Variants in CTDP1 observed in about 807,000 individuals in gnomAD.
CTDP1 encodes the protein CTD phosphatase 1.
CTDP1 carries 47 observed loss-of-function variants against 91.8 expected under a neutral mutation model. The observed-to-expected ratio is 0.51, with a 90% CI of 0.41 to 0.65. The LOEUF is 0.65. Among genes scored for constraint, CTDP1 ranks in the 30% least tolerant of loss-of-function variants. The pLI, the probability that CTDP1 is intolerant of heterozygous loss-of-function variation, is 0.00. For synonymous variants in CTDP1, 656 were observed against 598.5 expected (o/e 1.10, Z -1.40); for missense variants, 1,272 against 1,373.7 (o/e 0.93, Z 1.17).
chr18:79,695,510 A>C (rs1401877601), intron 2 of CTDP1, among the ~76,000 whole-genome samples: 1 of 152,128 alleles, frequency 6.6e-6, no homozygotes, highest in Non-Finnish European at 1.5e-5. Context: ...CCCCAGCCTC[A>C]TGCCATTCTC....
At chr18:79,722,410 T>C (rs1474075922) in intron 10 of CTDP1, among the ~76,000 whole-genome samples, 1 of 152,254 alleles carries the variant, frequency 6.6e-6, no homozygotes, top group Non-Finnish European at 1.5e-5. Flanking sequence ...TAAGTCGACT[T>C]TTGATGAAAT....
chr18:79,714,854 A>G lies in CTDP1; in HGVS notation c.1394A>G (p.Glu465Gly), dbSNP rs2086167257. ...SSDSESSSESEGTKSSSSASD... is the reference protein window; with the variant it reads ...SSDSESSSESGGTKSSSSASD... ...GACAGCGAGAGCAGCAGTGAGTCCGAGGGCACGAAGTCCTCCTCCTCCGCC... is the reference window on the plus strand; with the variant it reads ...GACAGCGAGAGCAGCAGTGAGTCCGGGGGCACGAAGTCCTCCTCCTCCGCC... The change falls in exon 8 of 13, where the codon GAG (glutamate) becomes GGG (glycine). Residue 465 changes from glutamate (E) to glycine (G), a missense_variant. By Grantham distance (98) the Glu-to-Gly change is moderately conservative (BLOSUM62 -2). Transcript: ENST00000613122. The G allele has an allele frequency of 6.3e-7, 1 of 1,589,818 alleles. No individual in the cohort carries two copies.
chr18:79,705,936 A>G (rs565230269), intron 5 of CTDP1, among the ~76,000 whole-genome samples: 1 of 152,368 alleles, frequency 6.6e-6, no homozygotes, highest in Admixed American at 6.5e-5. Context: ...TGATGTGAAG[A>G]CGAGTAATTA....
rs144416848 is a variant in CTDP1, at chr18:79,735,886, G to A, written c.2581-469G>A. ...CCAGAGCGAGCGGGTGGACATCTTA[G>A]CGAGCGTCCCTGTGGCACGGCCACG... On this transcript the variant is annotated intron_variant, in intron 11 of 12. Transcript: ENST00000613122. 884 of 190,336 alleles carry A rather than the reference G, an allele frequency of 4.6e-3. 7 individuals carry two copies. Among genetic ancestry groups the A allele is most frequent in the African/African-American group, 0.02 (839 of 42,796 alleles). 11.8% of individuals were successfully genotyped at this position (190,336 alleles called of 1,614,324 possible).
intron 5 of CTDP1, among the ~76,000 whole-genome samples, chr18:79,709,353 AG>A (rs554587645): frequency 8.5e-4 from 130 of 152,360 alleles, no homozygotes; most frequent in African/African-American, 2.9e-3. Flanking sequence ...AAGATAACAC[AG>A]TAGGCTTAAA....
chr18:79,728,792 C>T (rs2086504117), intron 10 of CTDP1, 115 bp from the exon 11 acceptor site: 4 of 1,217,384 alleles, frequency 3.3e-6, no homozygotes, highest in Admixed American at 1.7e-5. Flanking sequence ...CATACGTGTT[C>T]CCTGTTGGGG....
At chr18:79,738,136 G>A (rs919506629) in intron 12 of CTDP1, among the ~76,000 whole-genome samples, 3 of 152,092 alleles carry the variant, frequency 2.0e-5, no homozygotes, top group East Asian at 1.9e-4. Flanking sequence ...CTGAGAAAGC[G>A]TCTGTCCTGT....
At position 79,719,339 on chromosome 18, in the gene CTDP1, G is replaced by A. The variant is rs537416983; in HGVS notation, c.2417+1323G>A. On this transcript the variant is annotated intron_variant, in intron 10 of 12. Transcript: ENST00000613122. ...ATGTGGGCAGGTGCAGGGTGGCTGC[G>A]GGCAGCTGGGCCGGTGCGGGTGGCT... is the stretch of plus-strand genomic sequence containing the variant. 2.8e-3 allele frequency among the ~76,000 whole-genome samples: 421 copies of A among 152,226 alleles called. 1 individual carries two copies. Among genetic ancestry groups the A allele is most frequent in the Non-Finnish European group, 5.1e-3 (348 of 68,010 alleles).
At chr18:79,711,289 C>A (rs2086078590) in intron 6 of CTDP1, among the ~76,000 whole-genome samples, 1 of 152,202 alleles carries the variant, frequency 6.6e-6, no homozygotes, top group Non-Finnish European at 1.5e-5. Context: ...TCCAAATTTT[C>A]ATTCCTATGC....
rs1286863341 is a variant in CTDP1, at chr18:79,713,959, C to A, written c.1031-532C>A. On this transcript the variant is annotated intron_variant, in intron 7 of 12. Coordinates refer to ENST00000613122, the MANE Select transcript of CTDP1 (RefSeq NM_004715.5). The surrounding 1 kb of genome is among the most constrained non-coding windows in gnomAD (Gnocchi z 4.7). ...CCAGGTCTGCAGGGGCTTACGGCCA[C>A]GGTGGCGCCAGGTCTGCAGGGGCTT... Among the ~76,000 whole-genome samples, 5 of 141,400 alleles carry A rather than the reference C, an allele frequency of 3.5e-5. No homozygotes were observed. The highest frequency in any genetic ancestry group is 7.8e-5 in the African/African-American group (3 of 38,456). 92.8% of individuals were successfully genotyped at this position (141,400 alleles called of 152,430 possible).
At position 79,680,057 on chromosome 18, in the gene CTDP1, T is replaced by C; in HGVS notation, c.110T>C (p.Val37Ala). 4.8e-6 allele frequency: 6 copies of C among 1,252,378 alleles called. No individual in the cohort carries two copies. The highest frequency in any genetic ancestry group is 6.0e-6 in the Non-Finnish European group (6 of 1,002,988). 77.6% of individuals were successfully genotyped at this position (1,252,378 alleles called of 1,614,324 possible). ...CCGCTGCGCCTGCTGGAGTGGAGGG[T>C]GGCGGCGGGCGCGGCCGTGCGCATC... is the stretch of plus-strand genomic sequence containing the variant. ...PAPLRLLEWR[V>A]AAGAAVRIGS... The change falls in exon 1 of 13, where the codon GTG (valine) becomes GCG (alanine). Residue 37 changes from valine (V) to alanine (A), a missense_variant. This residue lies in a region of CTDP1 where 214 missense variants were observed against 179.1 expected (regional missense o/e 1.19). Coordinates refer to ENST00000613122, the MANE Select transcript of CTDP1 (RefSeq NM_004715.5).
In CTDP1 at chr18:79,685,018, A is replaced by ATG. The variant is rs1568171126; in HGVS notation, c.314+4757_314+4758insTG. 1.6e-3 allele frequency among the ~76,000 whole-genome samples: 227 copies of ATG among 146,074 alleles called. 11 individuals are homozygous for ATG. The highest frequency in any genetic ancestry group is 5.3e-3 in the African/African-American group (200 of 37,424). On this transcript the variant is annotated intron_variant, in intron 1 of 12. Transcript: ENST00000613122. Reference sequence around the variant, plus strand: ...TCCTGGTGAGGAGGACGGTGCAGGGACCTCGTGGTCTCTACTCCCAGTTTC... The same window carrying ATG: ...TCCTGGTGAGGAGGACGGTGCAGGGATGCCTCGTGGTCTCTACTCCCAGTTTC...
At chr18:79,711,959 T>G (rs2086093192) in intron 6 of CTDP1, among the ~76,000 whole-genome samples, 1 of 16,574 alleles carries the variant, frequency 6.0e-5, no homozygotes, top group South Asian at 2.1e-3. Flanking sequence ...GGCCACAGCC[T>G]CAGCTTCAGC....
intron 10 of CTDP1, among the ~76,000 whole-genome samples, chr18:79,728,587 C>G (rs983347844): frequency 6.6e-6 from 1 of 152,202 alleles, no homozygotes; most frequent in Non-Finnish European, 1.5e-5. Flanking sequence ...TCTCCCGTCT[C>G]TCTTTGCCCT....
At chr18:79,736,088 G>C in intron 11 of CTDP1, 1 of 547,910 alleles carries the variant, frequency 1.8e-6, no homozygotes, top group Non-Finnish European at 3.3e-6. Flanking sequence ...TAAAGTCCCT[G>C]TTCACATAAG....
intron 5 of CTDP1, among the ~76,000 whole-genome samples, chr18:79,707,870 C>T (rs1225433126): frequency 1.3e-5 from 2 of 152,106 alleles, no homozygotes; most frequent in Non-Finnish European, 2.9e-5. Flanking sequence ...TGAAAGTGAC[C>T]GTGTTGATAG....
chr18:79,680,042 T>G lies in CTDP1; in HGVS notation c.95T>G (p.Leu32Arg). 7.9e-7 allele frequency: 1 copy of G among 1,258,578 alleles called. No individual in the cohort carries two copies. The highest frequency in any genetic ancestry group is 9.9e-7 in the Non-Finnish European group (1 of 1,006,084). 78.0% of individuals were successfully genotyped at this position (1,258,578 alleles called of 1,614,324 possible). A position where few individuals can be genotyped will look rare whatever the true frequency, so the allele number is the denominator to read the frequency against. ...TGCCCGGGGCCCGCGCCGCTGCGCC[T>G]GCTGGAGTGGAGGGTGGCGGCGGGC... Reference protein sequence around the residue: ...VRCPGPAPLRLLEWRVAAGAA... With the variant: ...VRCPGPAPLRRLEWRVAAGAA... Residue 32 changes from leucine to arginine, a missense_variant, in exon 1 of 13, where the codon CTG becomes CGG. Transcript: ENST00000613122.
At chr18:79,733,228 C>T (rs1431404246) in intron 11 of CTDP1, among the ~76,000 whole-genome samples, 1 of 151,714 alleles carries the variant, frequency 6.6e-6, no homozygotes, top group Non-Finnish European at 1.5e-5. Context: ...CAGCAGAGGA[C>T]AGGTGTGCGT....
intron 1 of CTDP1, among the ~76,000 whole-genome samples, chr18:79,682,168 G>A (rs1017315168): frequency 1.3e-5 from 2 of 152,218 alleles, no homozygotes; most frequent in Admixed American, 1.3e-4. Context: ...TGCTGCTGAC[G>A]GTCGGCTCCG....
Sources: gnomAD v4.1 joint callset for allele counts (sites outside exome capture counted in the v4.1 genomes callset) on GRCh38, gnomAD v4.1.1 for gene constraint, gnomAD v4.1.1 regional missense constraint, Gnocchi (gnomAD v3.1) non-coding constraint, MANE v1.5 for transcripts, NCBI Gene and HGNC (gene_info 2026-07-23, HGNC 2026-07-21) for gene names.